TBC1D8: variants seen among roughly 807,000 people sequenced by gnomAD.
TBC1D8 encodes BUB2-like protein 1.
TBC1D8 carries 65 observed loss-of-function variants against 118.8 expected under a neutral mutation model. The observed-to-expected ratio is 0.55, with a 90% confidence interval of 0.45 to 0.67. The LOEUF is 0.67. Among genes scored for constraint, TBC1D8 ranks in the 30% least tolerant of loss-of-function variants. The pLI is 0.00. For synonymous variants in TBC1D8, 566 were observed against 595.8 expected (o/e 0.95, Z 0.73); for missense variants, 1,376 against 1,471.2 (o/e 0.94, Z 1.06).
At chr2:101,038,772 G>T in intron 6 of TBC1D8, 117 bp from the exon 7 acceptor site, 1 of 1,187,312 alleles carries the variant, frequency 8.4e-7, no homozygotes, top group Non-Finnish European at 1.2e-6. Context: ...GAAAGGAGAT[G>T]ATGCAATGGC....
chr2:101,034,804 T>G (rs529879798), intron 9 of TBC1D8, among the ~76,000 whole-genome samples: 68 of 152,186 alleles, frequency 4.5e-4, no homozygotes, highest in Non-Finnish European at 9.4e-4. Flanking sequence ...TTGTCATTTT[T>G]ATATACAAAA....
In TBC1D8 at chr2:101,034,636, TGTG is replaced by T. The variant is rs528016819; in HGVS notation, c.1604-881_1604-879del. 2.7e-3 allele frequency among the ~76,000 whole-genome samples: 418 copies of T among 152,240 alleles called. 3 individuals are homozygous for T. The highest frequency in any genetic ancestry group is 9.8e-3 in the African/African-American group (408 of 41,562). ...GTGTGCACGTGTGTCTGTGCAGGCA[TGTG>T]TGTGTGCACGTGTGTGTGCATATGC... On this transcript the variant is annotated intron_variant, in intron 9 of 19. Transcript: ENST00000409318.
rs1573845807 is a variant in TBC1D8, at chr2:101,009,023, T to C, written c.3016-750A>G. 5.3e-5 allele frequency among the ~76,000 whole-genome samples: 8 copies of C among 152,322 alleles called. No homozygotes were observed. The South Asian group carries it at 1.5e-3, about 28-fold the overall frequency. ...TCAGTGTAATCTGAGACACTGCTGC[T>C]GAAATTGAGAATACGTAATGTGAGG... On this transcript the variant is annotated intron_variant, in intron 19 of 19. Transcript: ENST00000409318.
At chr2:101,086,057 G>C (rs539303273) in intron 2 of TBC1D8, among the ~76,000 whole-genome samples, 4 of 151,594 alleles carry the variant, frequency 2.6e-5, no homozygotes, top group South Asian at 4.2e-4. Context: ...CAGGAGAATG[G>C]CATGAACCTG....
At chr2:101,102,965 T>C (rs1304456899) in intron 1 of TBC1D8, among the ~76,000 whole-genome samples, 1 of 152,142 alleles carries the variant, frequency 6.6e-6, no homozygotes, top group Non-Finnish European at 1.5e-5. Context: ...CCACAATCTA[T>C]TCCAGAAAAC....
At chr2:101,090,448 T>C in intron 1 of TBC1D8, 84 bp from the exon 2 acceptor site, 1 of 1,442,282 alleles carries the variant, frequency 6.9e-7, no homozygotes. Flanking sequence ...GGTCGCTGTC[T>C]GGACTCCATG....
At chr2:101,017,310 T>C (rs1239541928) in intron 17 of TBC1D8, among the ~76,000 whole-genome samples, 2 of 152,194 alleles carry the variant, frequency 1.3e-5, no homozygotes, top group African/African-American at 2.4e-5. Flanking sequence ...GCTAAAATAA[T>C]GATAAATAGT....
chr2:101,015,939 CTTAAACG>C (rs1174399682), intron 17 of TBC1D8, among the ~76,000 whole-genome samples: 1 of 151,916 alleles, frequency 6.6e-6, no homozygotes. Flanking sequence ...GGATTAAAGA[CTTAAACG>C]TTAGACCTAA....
chr2:101,022,439 T>G lies in TBC1D8; in HGVS notation c.2603A>C (p.Gln868Pro). Residue 868 changes from glutamine to proline, a missense_variant, in exon 16 of 20, where the codon CAG becomes CCG. Coordinates refer to ENST00000409318, the MANE Select transcript of TBC1D8 (RefSeq NM_001330348.2). ...AAACTGCCGGGCATCTATGCGGTAC[T>G]GCTCAGCATAGGGCCGGCTGGGGTC... ...RHDPSRPYAE[Q>P]YRIDARQFAH... 2 of 1,612,392 alleles carry G rather than the reference T, an allele frequency of 1.2e-6. No individual in the cohort carries two copies. The highest frequency in any genetic ancestry group is 2.2e-5 in the South Asian group (2 of 90,846).
intron 17 of TBC1D8, chr2:101,019,070 G>C: frequency 6.2e-7 from 1 of 1,600,650 alleles, no homozygotes; most frequent in Non-Finnish European, 8.5e-7. Context: ...ATGAGGCCTT[G>C]GGTCTCGGCT....
At chr2:101,113,383 G>A (rs1677689075) in intron 1 of TBC1D8, among the ~76,000 whole-genome samples, 1 of 147,582 alleles carries the variant, frequency 6.8e-6, no homozygotes, top group African/African-American at 2.4e-5. Context: ...ACTGAGAATT[G>A]GAAGTTAAAA....
intron 5 of TBC1D8, among the ~76,000 whole-genome samples, chr2:101,043,375 C>T (rs1411126314): frequency 6.6e-6 from 1 of 152,196 alleles, no homozygotes; most frequent in African/African-American, 2.4e-5. Context: ...CATCCTTGTC[C>T]TCAGAGCGTG....
chr2:101,075,390 C>CAAA lies in TBC1D8; in HGVS notation c.283+14816_283+14818dup, dbSNP rs11443594. ...TAGGCGACAGAGTGAGACTCCATCT[C>CAAA]AAAAAAAAAAAAAAAATGTCATAGA... On this transcript the variant is annotated intron_variant, in intron 2 of 19. Coordinates refer to ENST00000409318, the MANE Select transcript of TBC1D8 (RefSeq NM_001330348.2). 3.1e-3 allele frequency among the ~76,000 whole-genome samples: 414 copies of CAAA among 133,234 alleles called. 8 individuals are homozygous for CAAA. The highest frequency in any genetic ancestry group is 0.03 in the South Asian group (118 of 3,912). The allele number at this position is 133,234 out of a possible 152,430, so 87.4% of individuals were successfully genotyped here.
chr2:101,067,486 G>A (rs746975), intron 2 of TBC1D8, among the ~76,000 whole-genome samples: 116,293 of 152,124 alleles, frequency 0.76, 45,288 homozygotes, highest in Middle Eastern at 0.88. Context: ...TGAGTCACTC[G>A]CAGGTTTTTA....
intron 2 of TBC1D8, chr2:101,068,639 C>G: frequency 1.9e-6 from 1 of 522,160 alleles, no homozygotes; most frequent in South Asian, 2.0e-5. Context: ...AGAAAAGGAA[C>G]AATGGCAAAT....
At chr2:101,122,971 G>A (rs1313686877) in intron 1 of TBC1D8, among the ~76,000 whole-genome samples, 1 of 152,170 alleles carries the variant, frequency 6.6e-6, no homozygotes, top group South Asian at 2.1e-4. Flanking sequence ...TGTGATGTGG[G>A]TGTGTAAGCA....
intron 11 of TBC1D8, among the ~76,000 whole-genome samples, chr2:101,030,639 C>T (rs1338152797): frequency 6.6e-6 from 1 of 152,222 alleles, no homozygotes; most frequent in African/African-American, 2.4e-5. Context: ...TATGACCCCA[C>T]AATTCTCCTA....
intron 4 of TBC1D8, among the ~76,000 whole-genome samples, chr2:101,051,667 AAAG>A (rs1458642668): frequency 5.3e-5 from 8 of 152,248 alleles, no homozygotes; most frequent in East Asian, 1.9e-4. Context: ...ACACTTTTCA[AAAG>A]AAGACATACA....
chr2:101,050,538 G>A lies in TBC1D8; in HGVS notation c.735C>T (p.Asp245=), dbSNP rs1342815626. The part of the protein sequence containing the change: ...IRITTQNKER[D]FSMFLNLDEV... ...CATCCAGGTTCAGGAACATGGAGAAGTCACGCTCCTTATTCTGCGTGGTGA... is the reference window on the plus strand; with the variant it reads ...CATCCAGGTTCAGGAACATGGAGAAATCACGCTCCTTATTCTGCGTGGTGA... Residue 245 remains aspartate, a synonymous_variant, in exon 5 of 20, where the codon GAC becomes GAT. Coordinates refer to ENST00000409318, the MANE Select transcript of TBC1D8 (RefSeq NM_001330348.2). 1.2e-6 allele frequency: 2 copies of A among 1,613,912 alleles called. No homozygotes were observed. The highest frequency in any genetic ancestry group is 2.7e-5 in the African/African-American group (2 of 74,948).
Sources: allele counts gnomAD v4.1 joint callset (sites outside exome capture counted in the v4.1 genomes callset), GRCh38; gene constraint gnomAD v4.1.1; transcripts MANE v1.5; gene names NCBI Gene and HGNC (gene_info 2026-07-23, HGNC 2026-07-21).